Variants in PWWP3A observed in about 807,000 individuals in gnomAD.
The protein encoded by PWWP3A is PWWP domain-containing DNA repair factor 3A.
In PWWP3A, 53 loss-of-function variants were observed where a neutral mutation model predicts 79.0. That is an observed-to-expected ratio of 0.67 (90% CI 0.54 to 0.84). PWWP3A has a LOEUF of 0.84. Among genes scored for constraint, PWWP3A ranks in the 40% least tolerant of loss-of-function variants. The pLI, the probability that PWWP3A is intolerant of heterozygous loss-of-function variation, is 0.00. For synonymous variants in PWWP3A, 443 were observed against 394.4 expected, an observed-to-expected ratio of 1.12 and a Z score of -1.46; for missense variants, 973 against 948.0, an observed-to-expected ratio of 1.03 and a Z score of -0.35.
chr19:1,367,786 G>A (rs1394815929), intron 9 of PWWP3A, among the ~76,000 whole-genome samples: 1 of 152,200 alleles, frequency 6.6e-6, no homozygotes, highest in African/African-American at 2.4e-5. Context: ...ACTCAGAAAT[G>A]TCTATTTCCC....
At chr19:1,366,044 T>C (rs552752136) in intron 7 of PWWP3A, among the ~76,000 whole-genome samples, 28 of 152,352 alleles carry the variant, frequency 1.8e-4, no homozygotes, top group African/African-American at 5.3e-4. Flanking sequence ...AAGAGGCAGC[T>C]GGCAGCGGTA....
At chr19:1,366,197 GAGCTGGGGTCA>G (rs2082124853) in intron 7 of PWWP3A, 97 bp from the exon 8 acceptor site, 1 of 191,752 alleles carries the variant, frequency 5.2e-6, no homozygotes, top group Non-Finnish European at 8.0e-6. Flanking sequence ...GTCACCCCCA[GAGCTGGGGTCA>G]GCGCCTGTTA....
intron 7 of PWWP3A, among the ~76,000 whole-genome samples, chr19:1,365,442 G>A (rs1011038189): frequency 6.6e-6 from 1 of 152,272 alleles, no homozygotes; most frequent in African/African-American, 2.4e-5. Flanking sequence ...TGGCCCTGCA[G>A]TAATCCAGAG....
In PWWP3A at chr19:1,369,671, A is replaced by C. The variant is rs2082208900; in HGVS notation, c.1549+25A>C. Reference sequence around the variant, plus strand: ...AGTAAGTCTACAGGCACATCTTGGAAAATGTGGTTTGCCTTTTAGCCCTTT... The same window carrying C: ...AGTAAGTCTACAGGCACATCTTGGACAATGTGGTTTGCCTTTTAGCCCTTT... On this transcript the variant is annotated intron_variant, in intron 11 of 13. Transcript: ENST00000591337. This position sits in a 1 kb window ranked among gnomAD's most constrained non-coding sequence, Gnocchi z 4.0. 1 of 1,613,598 alleles carries C rather than the reference A, an allele frequency of 6.2e-7. No homozygotes were observed. Among genetic ancestry groups the C allele is most frequent in the Non-Finnish European group, 8.5e-7 (1 of 1,179,590 alleles).
In PWWP3A at chr19:1,377,408, G is replaced by A. The variant is rs1449241880; in HGVS notation, c.*832G>A. On this transcript the variant is annotated 3_prime_UTR_variant, in exon 14 of 14. Transcript: ENST00000591337. Reference sequence around the variant, plus strand: ...GTCCCAGGGTGGCCGCAGCAGTCAGGGTCACTGTGGGAGCCCTGGGGTGGA... The same window carrying A: ...GTCCCAGGGTGGCCGCAGCAGTCAGAGTCACTGTGGGAGCCCTGGGGTGGA... 2 of 152,462 alleles carry A rather than the reference G, an allele frequency of 1.3e-5. No homozygotes were observed. The highest frequency in any genetic ancestry group is 4.8e-5 in the African/African-American group (2 of 41,466). The allele number at this position is 152,462 out of a possible 1,614,324, so 9.4% of individuals were successfully genotyped here.
intron 8 of PWWP3A, 146 bp from the exon 9 acceptor site, chr19:1,367,014 C>T: frequency 1.6e-6 from 1 of 642,406 alleles, no homozygotes; most frequent in Admixed American, 3.1e-5. Flanking sequence ...TTCTTGGCAG[C>T]TGGGGAAACG....
In PWWP3A at chr19:1,376,843, G is replaced by C; in HGVS notation, c.*267G>C. ...GTTCGGGAAAGGCTTTTGAAAGGACGGAAGCGTATTCACTGTGCGCCAGTA... is the reference window on the plus strand; with the variant it reads ...GTTCGGGAAAGGCTTTTGAAAGGACCGAAGCGTATTCACTGTGCGCCAGTA... On this transcript the variant is annotated 3_prime_UTR_variant, in exon 14 of 14. Transcript: ENST00000591337. 2 of 393,344 alleles carry C rather than the reference G, an allele frequency of 5.1e-6. No homozygotes were observed. The highest frequency in any genetic ancestry group is 9.2e-6 in the Non-Finnish European group (2 of 217,260). The allele number at this position is 393,344 out of a possible 1,614,324, so 24.4% of individuals were successfully genotyped here.
In PWWP3A at chr19:1,375,481, T is replaced by A. The variant is rs1483873884; in HGVS notation, c.2076-1038T>A. 2.3e-5 allele frequency among the ~76,000 whole-genome samples: 3 copies of A among 129,954 alleles called. No individual in the cohort carries two copies. The Admixed American group carries it at 2.6e-4, about 11-fold the overall frequency. 85.3% of individuals were successfully genotyped at this position (129,954 alleles called of 152,430 possible). A position where few individuals can be genotyped will look rare whatever the true frequency, so the allele number is the denominator to read the frequency against. On this transcript the variant is annotated intron_variant, in intron 13 of 13. Coordinates refer to ENST00000591337, the MANE Select transcript of PWWP3A (RefSeq NM_001369789.1). ...ATGTATATTATATAAAATTTATATATTATATAAAATATATAAATTTTATAT... is the reference window on the plus strand; with the variant it reads ...ATGTATATTATATAAAATTTATATAATATATAAAATATATAAATTTTATAT...
chr19:1,355,206 AG>A (rs977736881), intron 1 of PWWP3A, 71 bp downstream of exon 1: 7 of 144,708 alleles, frequency 4.8e-5, no homozygotes, highest in South Asian at 2.2e-4. Context: ...GCCTGGGGGG[AG>A]GGGGGGCCCC....
At chr19:1,366,405 G>A in intron 8 of PWWP3A, 24 bp downstream of exon 8, 1 of 1,610,838 alleles carries the variant, frequency 6.2e-7, no homozygotes, top group East Asian at 2.2e-5. Context: ...CTTGGTTTCT[G>A]TGAATGGGCC....
chr19:1,363,565 C>G (rs1045870920), intron 6 of PWWP3A, among the ~76,000 whole-genome samples: 4 of 152,232 alleles, frequency 2.6e-5, no homozygotes, highest in African/African-American at 9.6e-5. Context: ...CCGGGACATA[C>G]AGAGGCTGGT....
In PWWP3A at chr19:1,376,793, T is replaced by G. The variant is rs932427302; in HGVS notation, c.*217T>G. On this transcript the variant is annotated 3_prime_UTR_variant, in exon 14 of 14. Coordinates refer to ENST00000591337, the MANE Select transcript of PWWP3A (RefSeq NM_001369789.1). ...TTTCCTGGCAGTTTTTTTCATTTTA[T>G]TTTTGGCATTTTTTACAAGATACCG... is the stretch of plus-strand genomic sequence containing the variant. The G allele has an allele frequency of 4.6e-5, 22 of 482,538 alleles. No homozygotes were observed. Among genetic ancestry groups the G allele is most frequent in the African/African-American group, 4.4e-4 (22 of 50,376 alleles). 29.9% of individuals were successfully genotyped at this position (482,538 alleles called of 1,614,324 possible). A position where few individuals can be genotyped will look rare whatever the true frequency, so the allele number is the denominator to read the frequency against.
In PWWP3A at chr19:1,376,683, C is replaced by A. The variant is rs2082410789; in HGVS notation, c.*107C>A. The A allele has an allele frequency of 1.9e-6, 2 of 1,044,822 alleles. No homozygotes were observed. The highest frequency in any genetic ancestry group is 2.7e-5 in the South Asian group (2 of 73,160). 64.7% of individuals were successfully genotyped at this position (1,044,822 alleles called of 1,614,324 possible). A position where few individuals can be genotyped will look rare whatever the true frequency, so the allele number is the denominator to read the frequency against. On this transcript the variant is annotated 3_prime_UTR_variant, in exon 14 of 14. Transcript: ENST00000591337. ...CTCAGGGGGCACGTTTGCGTTTGGA[C>A]CTGTCTGTGCGTTCTCCTGCGTGGC...
chr19:1,355,836 G>C (rs1430705170), intron 1 of PWWP3A, among the ~76,000 whole-genome samples: 2 of 147,950 alleles, frequency 1.4e-5, no homozygotes, highest in Non-Finnish European at 3.0e-5. Context: ...AGCCAAGCCA[G>C]TCCTTCCCAT....
At position 1,369,219 on chromosome 19, in the gene PWWP3A, T is replaced by A; in HGVS notation, c.1423-46T>A. 1 of 1,596,806 alleles carries A rather than the reference T, an allele frequency of 6.3e-7. No homozygotes were observed. Among genetic ancestry groups the A allele is most frequent in the South Asian group, 1.1e-5 (1 of 90,308 alleles). ...TGCGTGGCTTCTGAACCCAGGGTGCTTGGCACTGCCTCCCACTGACGCCTG... is the reference window on the plus strand; with the variant it reads ...TGCGTGGCTTCTGAACCCAGGGTGCATGGCACTGCCTCCCACTGACGCCTG... On this transcript the variant is annotated intron_variant, in intron 9 of 13. Coordinates refer to ENST00000591337, the MANE Select transcript of PWWP3A (RefSeq NM_001369789.1). The surrounding 1 kb of genome is among the most constrained non-coding windows in gnomAD (Gnocchi z 4.0).
In PWWP3A at chr19:1,360,861, G is replaced by T; in HGVS notation, c.940G>T (p.Val314Leu). The T allele has an allele frequency of 1.3e-6, 2 of 1,547,016 alleles. No individual in the cohort carries two copies. Among genetic ancestry groups the T allele is most frequent in the Non-Finnish European group, 1.7e-6 (2 of 1,146,658 alleles). The stretch of plus-strand genomic sequence containing the variant: ...GGATGGCAGCCAAAGGCCGCCTGCC[G>T]TGCAGCTGGAGCCCATGGCAGCAGG... ...RLDGSQRPPA[V>L]QLEPMAAGAA... The change falls in exon 5 of 14, where the codon GTG becomes TTG. Residue 314 changes from valine (V) to leucine (L), a missense_variant. Coordinates refer to ENST00000591337, the MANE Select transcript of PWWP3A (RefSeq NM_001369789.1). This position sits in a 1 kb window ranked among gnomAD's most constrained non-coding sequence, Gnocchi z 4.4.
At chr19:1,375,537 T>TATATAAAATATA (rs1162661703) in intron 13 of PWWP3A, among the ~76,000 whole-genome samples, 1 of 96,216 alleles carries the variant, frequency 1.0e-5, no homozygotes, top group Non-Finnish European at 1.9e-5. Flanking sequence ...ATTTATATAT[T>TATATAAAATATA]TTATATATAA....
rs370043297 is a variant in PWWP3A, at chr19:1,371,035, A to G, written c.1943A>G (p.Asn648Ser). Reference sequence around the variant, plus strand: ...GGGGCCAAGGTGCTCCAGCGCACCAACGGCGACCGGATCCGGTTCATTCTG... The same window carrying G: ...GGGGCCAAGGTGCTCCAGCGCACCAGCGGCGACCGGATCCGGTTCATTCTG... ...EVGAKVLQRT[N>S]GDRIRFILDV... The change falls in exon 12 of 14, where the codon AAC becomes AGC. Residue 648 changes from asparagine to serine, a missense_variant. Transcript: ENST00000591337. The G allele has an allele frequency of 1.1e-5, 17 of 1,574,012 alleles. No homozygotes were observed. The highest frequency in any genetic ancestry group is 1.5e-5 in the Non-Finnish European group (17 of 1,159,590).
rs752091080 is a variant in PWWP3A, at chr19:1,358,544, T to G, written c.214+80T>G. 1.9e-6 allele frequency: 3 copies of G among 1,603,842 alleles called. No individual in the cohort carries two copies. In the South Asian group the frequency reaches 3.3e-5, roughly 18 times the overall value. ...GGGAGAATGTGAAGGCTCAGCTTTCTGGGTAAAAATTCACCCTGTTCACCA... is the reference window on the plus strand; with the variant it reads ...GGGAGAATGTGAAGGCTCAGCTTTCGGGGTAAAAATTCACCCTGTTCACCA... On this transcript the variant is annotated intron_variant, in intron 4 of 13. Coordinates refer to ENST00000591337, the MANE Select transcript of PWWP3A (RefSeq NM_001369789.1).
Sources: allele counts gnomAD v4.1 joint callset (sites outside exome capture counted in the v4.1 genomes callset), GRCh38; gene constraint gnomAD v4.1.1; non-coding constraint Gnocchi (gnomAD v3.1); transcripts MANE v1.5; gene names NCBI Gene and HGNC (gene_info 2026-07-23, HGNC 2026-07-21).